Variants in ADAM32 observed in about 807,000 individuals in gnomAD.
ADAM32 encodes the protein disintegrin and metalloproteinase domain-containing protein 32.
ADAM32 carries 89 observed loss-of-function variants against 114.9 expected under a neutral mutation model. The observed-to-expected ratio is 0.77, with a 90% CI of 0.65 to 0.92. ADAM32 has a LOEUF of 0.92. Among genes scored for constraint, ADAM32 ranks in the 40% least tolerant of loss-of-function variants. The pLI, the probability that ADAM32 is intolerant of heterozygous loss-of-function variation, is 0.00. For missense variants in ADAM32, 870 were observed against 932.8 expected (o/e 0.93, Z 0.88); for synonymous variants, 285 against 307.5 (o/e 0.93, Z 0.77).
intron 1 of ADAM32, among the ~76,000 whole-genome samples, chr8:39,112,689 AC>A (rs1312794313): frequency 1.3e-5 from 2 of 152,306 alleles, no homozygotes; most frequent in East Asian, 3.9e-4. Context: ...TAGATGTTAA[AC>A]TATCACCACC....
At chr8:39,264,827 G>A (rs1485466516) in intron 19 of ADAM32, among the ~76,000 whole-genome samples, 7 of 152,124 alleles carry the variant, frequency 4.6e-5, no homozygotes, top group Non-Finnish European at 8.8e-5. Context: ...TTCAGGAGCA[G>A]GTTGTTTAAT....
intron 11 of ADAM32, among the ~76,000 whole-genome samples, chr8:39,199,783 C>A (rs1216645830): frequency 6.6e-6 from 1 of 150,884 alleles, no homozygotes; most frequent in Non-Finnish European, 1.5e-5. Flanking sequence ...CCCCCCACCC[C>A]ACAACAGGCA....
At chr8:39,170,034 C>T (rs761645087) in intron 10 of ADAM32, 37 bp downstream of exon 10, 64 of 1,398,510 alleles carry the variant, frequency 4.6e-5, no homozygotes, top group South Asian at 1.2e-4. Context: ...TAAATTAACA[C>T]GTTTAAAAAT....
At chr8:39,158,522 C>T (rs748308946) in intron 6 of ADAM32, 2 of 322,266 alleles carry the variant, frequency 6.2e-6, no homozygotes, top group Non-Finnish European at 1.2e-5. Flanking sequence ...TCCTAGCCGG[C>T]CAGCTTCCCA....
intron 16 of ADAM32, among the ~76,000 whole-genome samples, chr8:39,234,393 T>C (rs114240621): frequency 1.4e-3 from 210 of 152,206 alleles, no homozygotes; most frequent in African/African-American, 4.8e-3. Context: ...CTTGCTTTTC[T>C]TCTGGGAGAA....
At chr8:39,233,654 C>A (rs1310620507) in intron 15 of ADAM32, among the ~76,000 whole-genome samples, 13 of 152,276 alleles carry the variant, frequency 8.5e-5, no homozygotes, top group Non-Finnish European at 1.5e-5. Flanking sequence ...TTTTACCTAG[C>A]CTCTATTCAA....
intron 23 of ADAM32, among the ~76,000 whole-genome samples, chr8:39,283,281 A>G (rs1222502166): frequency 6.6e-6 from 1 of 151,866 alleles, no homozygotes; most frequent in African/African-American, 2.4e-5. Context: ...ATGTTGGTGT[A>G]TGCTTGTAGC....
At chr8:39,181,272 C>G (rs1409286858) in intron 10 of ADAM32, among the ~76,000 whole-genome samples, 1 of 152,182 alleles carries the variant, frequency 6.6e-6, no homozygotes, top group Non-Finnish European at 1.5e-5. Context: ...CTGAAGCCAG[C>G]GAGCCCATGA....
chr8:39,214,091 T>C (rs933775329), intron 12 of ADAM32, among the ~76,000 whole-genome samples: 1 of 152,230 alleles, frequency 6.6e-6, no homozygotes, highest in African/African-American at 2.4e-5. Flanking sequence ...CATCTGTAGA[T>C]GGACAGTTAG....
chr8:39,223,384 T>C, intron 14 of ADAM32, 146 bp downstream of exon 14: 1 of 387,206 alleles, frequency 2.6e-6, no homozygotes. Context: ...TTTTATTATA[T>C]ATATAAGCAG....
chr8:39,256,749 C>T (rs1280163616), intron 18 of ADAM32, among the ~76,000 whole-genome samples: 2 of 151,946 alleles, frequency 1.3e-5, no homozygotes, highest in Non-Finnish European at 2.9e-5. Flanking sequence ...ATTGCAATGA[C>T]CCCATTTACA....
intron 11 of ADAM32, among the ~76,000 whole-genome samples, chr8:39,201,242 C>G (rs571387810): frequency 6.6e-6 from 1 of 152,160 alleles, no homozygotes. Flanking sequence ...AATATTGATT[C>G]TTCCTACCCA....
intron 19 of ADAM32, among the ~76,000 whole-genome samples, chr8:39,259,790 A>C (rs1327072943): frequency 6.6e-6 from 1 of 152,208 alleles, no homozygotes; most frequent in Non-Finnish European, 1.5e-5. Context: ...AAAAGTTGCA[A>C]AAATTGCACA....
At chr8:39,228,317 A>G (rs1296767629) in intron 14 of ADAM32, among the ~76,000 whole-genome samples, 1 of 152,210 alleles carries the variant, frequency 6.6e-6, no homozygotes, top group Non-Finnish European at 1.5e-5. Flanking sequence ...GCAATGGATT[A>G]AAACCAAGAA....
intron 19 of ADAM32, among the ~76,000 whole-genome samples, chr8:39,267,781 G>A (rs545545760): frequency 6.6e-6 from 1 of 152,200 alleles, no homozygotes; most frequent in Non-Finnish European, 1.5e-5. Flanking sequence ...AACCCGGTTG[G>A]CTAACTTGAA....
At chr8:39,282,305 G>A (rs974447203) in intron 23 of ADAM32, among the ~76,000 whole-genome samples, 2 of 152,122 alleles carry the variant, frequency 1.3e-5, no homozygotes, top group Non-Finnish European at 2.9e-5. Context: ...CTTGCTTAAC[G>A]AATGAGTGGT....
At chr8:39,170,822 G>A (rs1805140310) in intron 10 of ADAM32, among the ~76,000 whole-genome samples, 1 of 152,016 alleles carries the variant, frequency 6.6e-6, no homozygotes, top group Non-Finnish European at 1.5e-5. Context: ...TGTATGTAAA[G>A]GCAGTGAGCA....
chr8:39,268,562 T>G (rs947416183), intron 19 of ADAM32, among the ~76,000 whole-genome samples: 2 of 152,200 alleles, frequency 1.3e-5, no homozygotes, highest in African/African-American at 4.8e-5. Context: ...TTCTAATACT[T>G]TTAGCAATCT....
chr8:39,276,700 C>T (rs1319212415), intron 22 of ADAM32, among the ~76,000 whole-genome samples: 10 of 152,136 alleles, frequency 6.6e-5, no homozygotes, highest in African/African-American at 2.4e-4. Context: ...TTTTAATCTG[C>T]CTCATTATTT....
Sources: allele counts gnomAD v4.1 joint callset (sites outside exome capture counted in the v4.1 genomes callset), GRCh38; gene constraint gnomAD v4.1.1; transcripts MANE v1.5; gene names NCBI Gene and HGNC (gene_info 2026-07-23, HGNC 2026-07-21).